The following KIF20A variants were observed in gnomAD, a reference collection of about 807,000 sequenced individuals.
KIF20A encodes the protein kinesin-like protein KIF20A.
KIF20A carries 66 observed loss-of-function variants against 113.0 expected under a neutral mutation model. The ratio of observed to expected loss-of-function variants is 0.58; its 90% confidence interval spans 0.48 to 0.72. The LOEUF is 0.72. Among genes scored for constraint, KIF20A ranks in the 30% least tolerant of loss-of-function variants. KIF20A has a pLI of 0.00. For synonymous variants in KIF20A, 376 were observed against 402.3 expected (o/e 0.93, Z 0.78); for missense variants, 927 against 1,077.6 (o/e 0.86, Z 1.96).
chr5:138,183,220 C>T lies in KIF20A; in HGVS notation c.884C>T (p.Ala295Val). Reference protein sequence around the residue: ...QPDTAPLPVPANIRFSIWISF... With the variant: ...QPDTAPLPVPVNIRFSIWISF... ...GACACTGCCCCACTACCTGTCCCGG[C>T]AAACATTCGCTTCTCCATCTGGATC... Residue 295 changes from alanine (A) to valine (V), a missense_variant, in exon 8 of 19, where the codon GCA becomes GTA. Coordinates refer to ENST00000394894, the MANE Select transcript of KIF20A (RefSeq NM_005733.3). This position sits in a 1 kb window ranked among gnomAD's most constrained non-coding sequence, Gnocchi z 5.2. 2 of 1,614,246 alleles carry T rather than the reference C, an allele frequency of 1.2e-6. No individual in the cohort carries two copies.
chr5:138,184,319 C>G lies in KIF20A; in HGVS notation c.1433C>G (p.Ser478Cys). The change falls in exon 12 of 19, where the codon TCC (serine) becomes TGC (cysteine). Residue 478 changes from serine (S) to cysteine (C), a missense_variant. Transcript: ENST00000394894. ...GGTTTCTTCACAGGCCGAGGCCGTT[C>G]CTGCATGATTGTCAATGTGAATCCC... Reference protein sequence around the residue: ...FQGFFTGRGRSCMIVNVNPCA... With the variant: ...FQGFFTGRGRCCMIVNVNPCA... The G allele has an allele frequency of 6.2e-7, 1 of 1,614,176 alleles. No homozygotes were observed. The highest frequency in any genetic ancestry group is 8.5e-7 in the Non-Finnish European group (1 of 1,180,016).
intron 5 of KIF20A, 42 bp downstream of exon 5, chr5:138,182,503 T>C: frequency 1.2e-6 from 2 of 1,612,258 alleles, no homozygotes; most frequent in Admixed American, 1.7e-5. Context: ...TGGCTGGTAA[T>C]GGTGTTGTTT....
Position 138,184,944 on chromosome 5 carries a change from C to A in KIF20A, c.1821C>A (p.Cys607Ter), listed in dbSNP as rs768886658. ...VEQMQQREQW[C>*]SEHLDTQKEL... ...AGATGCAACAGCGGGAACAGTGGTG[C>A]AGGTACTAGCTGAGTGACCCCTCTT... is the stretch of plus-strand genomic sequence containing the variant. Residue 607 changes from cysteine (C) to a stop codon, truncating the protein, a stop_gained and splice_region_variant, in exon 14 of 19, where the codon TGC becomes TGA. Transcript: ENST00000394894. LOFTEE classifies it high-confidence loss of function. 1 of 1,613,904 alleles carries A rather than the reference C, an allele frequency of 6.2e-7. No homozygotes were observed. Among genetic ancestry groups the A allele is most frequent in the South Asian group, 1.1e-5 (1 of 91,034 alleles).
chr5:138,187,033 C>A (rs1422231041), intron 18 of KIF20A, 63 bp from the exon 19 acceptor site: 1 of 1,239,448 alleles, frequency 8.1e-7, no homozygotes, highest in Non-Finnish European at 1.1e-6. Context: ...TTACCCTTAG[C>A]CCTCTCGTTT....
chr5:138,185,566 C>T lies in KIF20A; in HGVS notation c.1981C>T (p.Gln661Ter), dbSNP rs1754730636. Residue 661 changes from glutamine to a stop codon, truncating the protein, a stop_gained, in exon 16 of 19, where the codon CAG (glutamine) becomes TAG (stop). Coordinates refer to ENST00000394894, the MANE Select transcript of KIF20A (RefSeq NM_005733.3). LOFTEE classifies it high-confidence loss of function. ...LEALLQEARQQSVAHQQSGSE... is the reference protein window; with the variant it reads ...LEALLQEARQ ...AGCTCTCTTGCAGGAAGCCAGACAA[C>T]AGTCAGTGGCCCATCAGCAATCAGG... 1.9e-6 allele frequency: 3 copies of T among 1,613,986 alleles called. No individual in the cohort carries two copies. The highest frequency in any genetic ancestry group is 2.2e-5 in the East Asian group (1 of 44,904).
In KIF20A at chr5:138,185,212, G is replaced by C. The variant is rs758988413; in HGVS notation, c.1926+15G>C. On this transcript the variant is annotated intron_variant, in intron 15 of 18. Transcript: ENST00000394894. ...AAGAGATTCAGGTGAGTTGCCCTGA[G>C]CCAGCTCCAATTAGCTGCTCAGATT... is the stretch of plus-strand genomic sequence containing the variant. 1 of 1,547,076 alleles carries C rather than the reference G, an allele frequency of 6.5e-7. No homozygotes were observed. The highest frequency in any genetic ancestry group is 8.9e-7 in the Non-Finnish European group (1 of 1,121,866).
chr5:138,184,170 G>A, intron 11 of KIF20A, 65 bp downstream of exon 11: 1 of 1,610,950 alleles, frequency 6.2e-7, no homozygotes, highest in Non-Finnish European at 8.5e-7. Flanking sequence ...ACACCACTGG[G>A]GATGGTGCTA....
chr5:138,182,701 C>T lies in KIF20A; in HGVS notation c.630C>T (p.Ile210=). 6.2e-7 allele frequency: 1 copy of T among 1,614,122 alleles called. No homozygotes were observed. Among genetic ancestry groups the T allele is most frequent in the Non-Finnish European group, 8.5e-7 (1 of 1,180,030 alleles). Residue 210 remains isoleucine (I), a synonymous_variant, in exon 6 of 19, where the codon ATC becomes ATT. Coordinates refer to ENST00000394894, the MANE Select transcript of KIF20A (RefSeq NM_005733.3). ...AGCCCTTGCTCTCCAATGAGGTAAT[C>T]TGGCTAGACAGCAAGCAGATCCGAC... ...DLKPLLSNEV[I]WLDSKQIRQE... is the part of the protein sequence containing the mutation.
In KIF20A at chr5:138,185,971, G is replaced by A. The variant is rs1296002774; in HGVS notation, c.2136G>A (p.Lys712=). ...GTTTCCTTCCCTCAGAGTTGCATAA[G>A]TATCAGAAAATGTTAGAACCACCAC... ...ELNSTTEELH[K]YQKMLEPPPS... Residue 712 remains lysine (K), a synonymous_variant, in exon 17 of 19, where the codon AAG becomes AAA. Transcript: ENST00000394894. The A allele has an allele frequency of 6.2e-7, 1 of 1,613,978 alleles. No individual in the cohort carries two copies. The highest frequency in any genetic ancestry group is 2.2e-5 in the East Asian group (1 of 44,878).
Position 138,187,423 on chromosome 5 carries a change from G to T in KIF20A, c.*10G>T. 1 of 1,606,796 alleles carries T rather than the reference G, an allele frequency of 6.2e-7. No homozygotes were observed. Among genetic ancestry groups the T allele is most frequent in the Non-Finnish European group, 8.5e-7 (1 of 1,175,306 alleles). On this transcript the variant is annotated 3_prime_UTR_variant, in exon 19 of 19. Transcript: ENST00000394894. ...TGGCAAAAAGTACTAAGGCTGTGGG[G>T]AAAGAGAAGAGCAGTCATGGCCCTG... is the stretch of plus-strand genomic sequence containing the variant.
chr5:138,185,913 G>A (rs1251744368), intron 16 of KIF20A, 48 bp from the exon 17 acceptor site: 4 of 1,550,876 alleles, frequency 2.6e-6, no homozygotes, highest in South Asian at 1.1e-5. Flanking sequence ...GTTAGTCCAA[G>A]GCTAAAAAAA....
At chr5:138,184,447 G>T in intron 12 of KIF20A, 43 bp downstream of exon 12, 1 of 1,612,824 alleles carries the variant, frequency 6.2e-7, no homozygotes, top group Non-Finnish European at 8.5e-7. Context: ...CTTGGAACTG[G>T]TAACTCTAAG....
Position 138,182,368 on chromosome 5 carries a change from G to A in KIF20A, c.421G>A (p.Val141Met), listed in dbSNP as rs1278473748. The change falls in exon 5 of 19, where the codon GTG becomes ATG. Residue 141 changes from valine to methionine, a missense_variant. Val to Met is a conservative substitution (Grantham distance 21, BLOSUM62 1). Coordinates refer to ENST00000394894, the MANE Select transcript of KIF20A (RefSeq NM_005733.3). ...VGQASFFNLT[V>M]KEMVKDVLKG... Reference sequence around the variant, plus strand: ...ACAGGCATCCTTCTTCAACCTAACTGTGAAGGAGATGGTAAAGGATGTACT... The same window carrying A: ...ACAGGCATCCTTCTTCAACCTAACTATGAAGGAGATGGTAAAGGATGTACT... 1 of 1,614,168 alleles carries A rather than the reference G, an allele frequency of 6.2e-7. No individual in the cohort carries two copies. The highest frequency in any genetic ancestry group is 1.7e-5 in the Admixed American group (1 of 60,028).
At chr5:138,184,195 C>T (rs1415204440) in intron 11 of KIF20A, 44 bp from the exon 12 acceptor site, 2 of 1,611,062 alleles carry the variant, frequency 1.2e-6, no homozygotes, top group Middle Eastern at 3.3e-4. Context: ...ACCCAAAGGG[C>T]TGGTGTTCTG....
Position 138,183,439 on chromosome 5 carries a change from C to A in KIF20A, c.1028-31C>A. 5 of 1,610,278 alleles carry A rather than the reference C, an allele frequency of 3.1e-6. No homozygotes were observed. The highest frequency in any genetic ancestry group is 4.2e-6 in the Non-Finnish European group (5 of 1,176,576). ...GAGACTGGCAAAAGAGTTGGATGTT[C>A]CCATCTTACACCCCTCTCCTTTGGC... On this transcript the variant is annotated intron_variant, in intron 8 of 18. Coordinates refer to ENST00000394894, the MANE Select transcript of KIF20A (RefSeq NM_005733.3). The surrounding 1 kb of genome is among the most constrained non-coding windows in gnomAD (Gnocchi z 5.2).
In KIF20A at chr5:138,185,680, T is replaced by G. The variant is rs780212950; in HGVS notation, c.2095T>G (p.Cys699Gly). 3.1e-6 allele frequency: 5 copies of G among 1,614,112 alleles called. No individual in the cohort carries two copies. In the East Asian group the frequency reaches 8.9e-5, roughly 29 times the overall value. ...GGAGGTTAAAGCTAAATTACAGCAG[T>G]GCAAAGCAGAGCTAAACTCTACCAC... is the stretch of plus-strand genomic sequence containing the variant. Reference protein sequence around the residue: ...LQEVKAKLQQCKAELNSTTEE... With the variant: ...LQEVKAKLQQGKAELNSTTEE... The change falls in exon 16 of 19, where the codon TGC (cysteine) becomes GGC (glycine). Residue 699 changes from cysteine to glycine, a missense_variant. Cys to Gly is a radical substitution (Grantham distance 159). Coordinates refer to ENST00000394894, the MANE Select transcript of KIF20A (RefSeq NM_005733.3).
At position 138,184,058 on chromosome 5, in the gene KIF20A, C is replaced by T. The variant is rs2151233278; in HGVS notation, c.1305C>T (p.His435=). The change falls in exon 11 of 19, where the codon CAC becomes CAT. Residue 435 remains histidine (H), a synonymous_variant. Transcript: ENST00000394894. ...CAGGAAACATTAACACCTCTCTACACACCCTGGGCCGCTGTATTGCTGCCC... is the reference window on the plus strand; with the variant it reads ...CAGGAAACATTAACACCTCTCTACATACCCTGGGCCGCTGTATTGCTGCCC... The part of the protein sequence containing the change: ...KEAGNINTSL[H]TLGRCIAALR... The T allele has an allele frequency of 6.2e-7, 1 of 1,614,192 alleles. No individual in the cohort carries two copies. Among genetic ancestry groups the T allele is most frequent in the East Asian group, 2.2e-5 (1 of 44,882 alleles).
In KIF20A at chr5:138,183,505, GC is replaced by G; in HGVS notation, c.1065del (p.Trp356GlyfsTer4). ...GATTCATGTGCAAGATGCTGAGGAG[GC>G]CTGGAAGCTCCTAAAAGTGGGTCGT... ...NWIHVQDAEE[A>X]WKLLKVGRKN... On this transcript the variant is annotated frameshift_variant, in exon 9 of 19. Transcript: ENST00000394894. LOFTEE classifies it high-confidence loss of function. This position sits in a 1 kb window ranked among gnomAD's most constrained non-coding sequence, Gnocchi z 5.2. 1 of 1,614,126 alleles carries G rather than the reference GC, an allele frequency of 6.2e-7. No homozygotes were observed. Among genetic ancestry groups the G allele is most frequent in the Non-Finnish European group, 8.5e-7 (1 of 1,180,032 alleles).
intron 4 of KIF20A, chr5:138,181,981 G>T: frequency 1.7e-6 from 1 of 577,310 alleles, no homozygotes. Flanking sequence ...ATGTAATATT[G>T]CTGAAGCCAT....
Sources: gnomAD v4.1 joint callset for allele counts on GRCh38, gnomAD v4.1.1 for gene constraint, Gnocchi (gnomAD v3.1) non-coding constraint, MANE v1.5 for transcripts, NCBI Gene and HGNC (gene_info 2026-07-23, HGNC 2026-07-21) for gene names.